The following P2RY13 variants were observed in gnomAD, a reference collection of about 807,000 sequenced individuals.
The protein encoded by P2RY13 is purinergic receptor P2Y13, also known as P2Y purinoceptor 13.
For missense variants in P2RY13, 412 were observed against 418.4 expected, an observed-to-expected ratio of 0.98 and a Z score of 0.13; for synonymous variants, 150 against 155.1, an observed-to-expected ratio of 0.97 and a Z score of 0.24.
At position 151,328,306 on chromosome 3, in the gene P2RY13, G is replaced by C. The variant is rs781753965; in HGVS notation, c.750C>G (p.Asn250Lys). ...RKSKSKDRKNNKKLEGKVFVV... is the reference protein window; with the variant it reads ...RKSKSKDRKNKKKLEGKVFVV... Reference sequence around the variant, plus strand: ...CAAATACTTTGCCTTCCAGCTTTTTGTTGTTTTTTCTGTCCTTACTTTTGG... The same window carrying C: ...CAAATACTTTGCCTTCCAGCTTTTTCTTGTTTTTTCTGTCCTTACTTTTGG... Residue 250 changes from asparagine (N) to lysine (K), a missense_variant, in exon 2 of 2, where the codon AAC (asparagine) becomes AAG (lysine). Coordinates refer to ENST00000325602, the MANE Select transcript of P2RY13 (RefSeq NM_176894.3). 3 of 1,613,632 alleles carry C rather than the reference G, an allele frequency of 1.9e-6. No homozygotes were observed. In the South Asian group the frequency reaches 3.3e-5, roughly 18 times the overall value.
Position 151,328,654 on chromosome 3 carries a change from T to C in P2RY13, c.402A>G (p.Leu134=), listed in dbSNP as rs757876906. The change falls in exon 2 of 2, where the codon TTA becomes TTG. Residue 134 remains leucine, a synonymous_variant. Coordinates refer to ENST00000325602, the MANE Select transcript of P2RY13 (RefSeq NM_176894.3). ...GGAATCTGTCAAAGGCTATGAGCCC[T>C]AACAGCACGATGCCCACATACATGG... ...YETMYVGIVL[L]GLIAFDRFLK... 4 of 1,613,880 alleles carry C rather than the reference T, an allele frequency of 2.5e-6. No individual in the cohort carries two copies. Among genetic ancestry groups the C allele is most frequent in the Non-Finnish European group, 3.4e-6 (4 of 1,179,838 alleles).
chr3:151,329,411 A>G (rs527427099), intron 1 of P2RY13, 70 bp downstream of exon 1: 2 of 945,106 alleles, frequency 2.1e-6, no homozygotes, highest in Non-Finnish European at 3.2e-6. Context: ...ACTTTAAAGC[A>G]CCTTTTTTCC....
At position 151,328,956 on chromosome 3, in the gene P2RY13, C is replaced by G; in HGVS notation, c.100G>C (p.Glu34Gln). Residue 34 changes from glutamate to glutamine, a missense_variant, in exon 2 of 2, where the codon GAG becomes CAG. Transcript: ENST00000325602. ...TTVMQGFNRS[E>Q]RCPRDTRIVQ... ...ATCCGAGTGTCTCTGGGGCACCGCT[C>G]AGATCTGTTGAAGCCTTGCATCACT... 6.2e-7 allele frequency: 1 copy of G among 1,613,714 alleles called. No individual in the cohort carries two copies. Among genetic ancestry groups the G allele is most frequent in the Non-Finnish European group, 8.5e-7 (1 of 1,179,752 alleles).
Position 151,328,095 on chromosome 3 carries a change from A to C in P2RY13, c.961T>G (p.Cys321Gly). The C allele has an allele frequency of 6.2e-7, 1 of 1,610,132 alleles. No individual in the cohort carries two copies. Among genetic ancestry groups the C allele is most frequent in the Non-Finnish European group, 8.5e-7 (1 of 1,178,764 alleles). The change falls in exon 2 of 2, where the codon TGT (cysteine) becomes GGT (glycine). Residue 321 changes from cysteine (C) to glycine (G), a missense_variant. By Grantham distance (159) the Cys-to-Gly change is radical. Coordinates refer to ENST00000325602, the MANE Select transcript of P2RY13 (RefSeq NM_176894.3). ...CMDPLIYIFL[C>G]KKFTEKLPCM... ...GGTAGCTTTTCTGTGAATTTTTTAC[A>C]TAAGAATATGTATATTAAGGGATCC...
Position 151,327,784 on chromosome 3 carries a change from G to T in P2RY13, c.*207C>A. Reference sequence around the variant, plus strand: ...AAATAATGACCTCTAGTGGCCATTTGTATCCTGTTGCATTCTCTTAGTAAT... The same window carrying T: ...AAATAATGACCTCTAGTGGCCATTTTTATCCTGTTGCATTCTCTTAGTAAT... On this transcript the variant is annotated 3_prime_UTR_variant, in exon 2 of 2. Coordinates refer to ENST00000325602, the MANE Select transcript of P2RY13 (RefSeq NM_176894.3). The T allele has an allele frequency of 5.3e-6, 2 of 376,958 alleles. No homozygotes were observed. The highest frequency in any genetic ancestry group is 4.7e-6 in the Non-Finnish European group (1 of 212,320). 23.4% of individuals were successfully genotyped at this position (376,958 alleles called of 1,614,324 possible).
rs1560033565 is a variant in P2RY13, at chr3:151,328,457, G to A, written c.599C>T (p.Pro200Leu). The A allele has an allele frequency of 6.2e-7, 1 of 1,613,766 alleles. No homozygotes were observed. The highest frequency in any genetic ancestry group is 2.2e-5 in the East Asian group (1 of 44,878). Residue 200 changes from proline (P) to leucine (L), a missense_variant, in exon 2 of 2, where the codon CCT (proline) becomes CTT (leucine). Coordinates refer to ENST00000325602, the MANE Select transcript of P2RY13 (RefSeq NM_176894.3). ...CATTTGATGCCATTTCAGCCCCAGA[G>A]GCCCCTTTAAGGAAGCACACTTTTT... The part of the protein sequence containing the change: ...SVKKCASLKG[P>L]LGLKWHQMVN...
rs1215665537 is a variant in P2RY13, at chr3:151,328,650, G to A, written c.406C>T (p.Leu136Phe). The A allele has an allele frequency of 6.2e-7, 1 of 1,613,890 alleles. No individual in the cohort carries two copies. Reference sequence around the variant, plus strand: ...TTGAGGAATCTGTCAAAGGCTATGAGCCCTAACAGCACGATGCCCACATAC... The same window carrying A: ...TTGAGGAATCTGTCAAAGGCTATGAACCCTAACAGCACGATGCCCACATAC... Reference protein sequence around the residue: ...TMYVGIVLLGLIAFDRFLKII... With the variant: ...TMYVGIVLLGFIAFDRFLKII... The change falls in exon 2 of 2, where the codon CTC (leucine) becomes TTC (phenylalanine). Residue 136 changes from leucine (L) to phenylalanine (F), a missense_variant. Coordinates refer to ENST00000325602, the MANE Select transcript of P2RY13 (RefSeq NM_176894.3).
In P2RY13 at chr3:151,327,888, T is replaced by C. The variant is rs372435927; in HGVS notation, c.*103A>G. The C allele has an allele frequency of 1.5e-5, 12 of 819,726 alleles. No homozygotes were observed. The East Asian group carries it at 1.5e-4, about 10-fold the overall frequency. The allele number at this position is 819,726 out of a possible 1,614,324, so 50.8% of individuals were successfully genotyped here. Reference sequence around the variant, plus strand: ...TTCTGTACACGAGGATAATAAAATGTAAGAGAGCATTTGTTCCAATCTTTT... The same window carrying C: ...TTCTGTACACGAGGATAATAAAATGCAAGAGAGCATTTGTTCCAATCTTTT... On this transcript the variant is annotated 3_prime_UTR_variant, in exon 2 of 2. Coordinates refer to ENST00000325602, the MANE Select transcript of P2RY13 (RefSeq NM_176894.3).
chr3:151,329,436 T>C (rs1750096036), intron 1 of P2RY13, 45 bp downstream of exon 1: 1 of 1,281,522 alleles, frequency 7.8e-7, no homozygotes, highest in Admixed American at 2.2e-5. Context: ...AGCATATTCT[T>C]TTATATAAGC....
In P2RY13 at chr3:151,327,768, C is replaced by T. The variant is rs1475592023; in HGVS notation, c.*223G>A. On this transcript the variant is annotated 3_prime_UTR_variant, in exon 2 of 2. Transcript: ENST00000325602. The stretch of plus-strand genomic sequence containing the variant: ...AAAAAAAGAAAGAAAGAAATAATGA[C>T]CTCTAGTGGCCATTTGTATCCTGTT... 23 of 373,904 alleles carry T rather than the reference C, an allele frequency of 6.2e-5. No individual in the cohort carries two copies. Among genetic ancestry groups the T allele is most frequent in the Non-Finnish European group, 9.5e-5 (20 of 211,326 alleles). The allele number at this position is 373,904 out of a possible 1,614,324, so 23.2% of individuals were successfully genotyped here.
chr3:151,328,183 C>T lies in P2RY13; in HGVS notation c.873G>A (p.Leu291=), dbSNP rs1322689309. 7 of 1,612,024 alleles carry T rather than the reference C, an allele frequency of 4.3e-6. No homozygotes were observed. In the Admixed American group the frequency reaches 6.7e-5, roughly 15 times the overall value. The change falls in exon 2 of 2, where the codon CTG becomes CTA. Residue 291 remains leucine (L), a synonymous_variant. Coordinates refer to ENST00000325602, the MANE Select transcript of P2RY13 (RefSeq NM_176894.3). The part of the protein sequence containing the change: ...SQTNNKTDCR[L]QNQLFIAKET... Reference sequence around the variant, plus strand: ...CTTTAGCAATAAACAGTTGATTTTGCAGTCTACAGTCAGTCTTATTGTTGG... The same window carrying T: ...CTTTAGCAATAAACAGTTGATTTTGTAGTCTACAGTCAGTCTTATTGTTGG...
rs1577341928 is a variant in P2RY13 at position 151,328,261 on chromosome 3, A to G, written c.795T>C (p.Phe265=). 1 of 1,614,048 alleles carries G rather than the reference A, an allele frequency of 6.2e-7. No individual in the cohort carries two copies. The highest frequency in any genetic ancestry group is 8.5e-7 in the Non-Finnish European group (1 of 1,179,966). Residue 265 remains phenylalanine (F), a synonymous_variant, in exon 2 of 2, where the codon TTT becomes TTC. Transcript: ENST00000325602. The part of the protein sequence containing the change: ...GKVFVVVAVF[F]VCFAPFHFAR... ...CAAAATGAAATGGAGCAAAACACAC[A>G]AAGAAGACAGCCACGACAACAAATA...
chr3:151,329,061 T>A (rs1750044657), intron 1 of P2RY13, 54 bp from the exon 2 acceptor site: 1 of 1,312,804 alleles, frequency 7.6e-7, no homozygotes, highest in African/African-American at 1.5e-5. Flanking sequence ...CCCTTCATGA[T>A]TTTCAAATGC....
chr3:151,328,086 A>AT lies in P2RY13; in HGVS notation c.969dup (p.Phe324IlefsTer22). The AT allele has an allele frequency of 1.2e-6, 2 of 1,609,832 alleles. No homozygotes were observed. Among genetic ancestry groups the AT allele is most frequent in the Non-Finnish European group, 1.7e-6 (2 of 1,178,646 alleles). On this transcript the variant is annotated frameshift_variant, in exon 2 of 2. Transcript: ENST00000325602. LOFTEE classifies it low-confidence loss of function (END_TRUNC). ...TGCATACATGGTAGCTTTTCTGTGA[A>AT]TTTTTTACATAAGAATATGTATATT...
Position 151,327,949 on chromosome 3 carries a change from G to T in P2RY13, c.*42C>A. ...AAATTTGATTTCCACATTATCTACG[G>T]AAGTCTCATCAATAAATAGAAGTTA... is the stretch of plus-strand genomic sequence containing the variant. On this transcript the variant is annotated 3_prime_UTR_variant, in exon 2 of 2. Coordinates refer to ENST00000325602, the MANE Select transcript of P2RY13 (RefSeq NM_176894.3). 2 of 1,340,482 alleles carry T rather than the reference G, an allele frequency of 1.5e-6. No homozygotes were observed. Among genetic ancestry groups the T allele is most frequent in the Non-Finnish European group, 2.0e-6 (2 of 990,654 alleles). The allele number at this position is 1,340,482 out of a possible 1,614,324, so 83.0% of individuals were successfully genotyped here. A position where few individuals can be genotyped will look rare whatever the true frequency, so the allele number is the denominator to read the frequency against.
In P2RY13 at chr3:151,328,290, T is replaced by C. The variant is rs759096971; in HGVS notation, c.766A>G (p.Lys256Glu). 3 of 1,614,010 alleles carry C rather than the reference T, an allele frequency of 1.9e-6. No individual in the cohort carries two copies. The highest frequency in any genetic ancestry group is 2.5e-6 in the Non-Finnish European group (3 of 1,179,948). ...AAGACAGCCACGACAACAAATACTT[T>C]GCCTTCCAGCTTTTTGTTGTTTTTT... ...DRKNNKKLEGKVFVVVAVFFV... is the reference protein window; with the variant it reads ...DRKNNKKLEGEVFVVVAVFFV... The change falls in exon 2 of 2, where the codon AAA (lysine) becomes GAA (glutamate). Residue 256 changes from lysine (K) to glutamate (E), a missense_variant. Coordinates refer to ENST00000325602, the MANE Select transcript of P2RY13 (RefSeq NM_176894.3).
At position 151,327,910 on chromosome 3, in the gene P2RY13, T is replaced by C; in HGVS notation, c.*81A>G. ...ATGTAAGAGAGCATTTGTTCCAATC[T>C]TTTTTTCTTGGTTAAATTTGATTTC... On this transcript the variant is annotated 3_prime_UTR_variant, in exon 2 of 2. Transcript: ENST00000325602. 2 of 1,033,552 alleles carry C rather than the reference T, an allele frequency of 1.9e-6. No individual in the cohort carries two copies. The highest frequency in any genetic ancestry group is 2.8e-6 in the Non-Finnish European group (2 of 714,192). 64.0% of individuals were successfully genotyped at this position (1,033,552 alleles called of 1,614,324 possible).
At position 151,327,006 on chromosome 3, in the gene P2RY13, A is replaced by G. The variant is rs1158983823; in HGVS notation, c.*985T>C. On this transcript the variant is annotated 3_prime_UTR_variant, in exon 2 of 2. Coordinates refer to ENST00000325602, the MANE Select transcript of P2RY13 (RefSeq NM_176894.3). The stretch of plus-strand genomic sequence containing the variant: ...GTCTTTGTATGTATCGAGAATAGCA[A>G]TTCTATTTAAAACATCTGTAGACCA... 1 of 152,232 alleles carries G rather than the reference A, an allele frequency of 6.6e-6. No homozygotes were observed. The highest frequency in any genetic ancestry group is 2.4e-5 in the African/African-American group (1 of 41,468). The allele number at this position is 152,232 out of a possible 1,614,324, so 9.4% of individuals were successfully genotyped here. A position where few individuals can be genotyped will look rare whatever the true frequency, so the allele number is the denominator to read the frequency against.
chr3:151,328,077 T>G lies in P2RY13; in HGVS notation c.979A>C (p.Lys327Gln). Residue 327 changes from lysine (K) to glutamine (Q), a missense_variant, in exon 2 of 2, where the codon AAG becomes CAG. By Grantham distance (53) the Lys-to-Gln change is moderately conservative. Transcript: ENST00000325602. ...TTTCTCCCTTGCATACATGGTAGCT[T>G]TTCTGTGAATTTTTTACATAAGAAT... is the stretch of plus-strand genomic sequence containing the variant. The part of the protein sequence containing the change: ...YIFLCKKFTE[K>Q]LPCMQGRKTT... 1 of 1,610,240 alleles carries G rather than the reference T, an allele frequency of 6.2e-7. No individual in the cohort carries two copies. Among genetic ancestry groups the G allele is most frequent in the Non-Finnish European group, 8.5e-7 (1 of 1,178,808 alleles).
Sources: allele counts gnomAD v4.1 joint callset, GRCh38; gene constraint gnomAD v4.1.1; transcripts MANE v1.5; gene names NCBI Gene and HGNC (gene_info 2026-07-23, HGNC 2026-07-21).